Variants in KLHL32 observed in about 807,000 individuals in gnomAD.
The protein encoded by KLHL32 is kelch like family member 32.
Under a neutral mutation model 64.8 loss-of-function variants are expected in KLHL32, and 35 were observed. The observed-to-expected ratio is 0.54, with a 90% CI of 0.41 to 0.72. The LOEUF is 0.72. Among genes scored for constraint, KLHL32 ranks in the 30% least tolerant of loss-of-function variants. The pLI, the probability that KLHL32 is intolerant of heterozygous loss-of-function variation, is 0.00. For synonymous variants in KLHL32, 259 were observed against 281.0 expected, an observed-to-expected ratio of 0.92 and a Z score of 0.78; for missense variants, 589 against 768.5, an observed-to-expected ratio of 0.77 and a Z score of 2.76.
the KLHL32 span, chr6:96,914,939 C>T: frequency 6.6e-6 from 1 of 152,124 alleles, no homozygotes; most frequent in Non-Finnish European, 1.5e-5. Context: ...CTGAAGCCAT[C>T]CTCCCACCTC....
intron 3 of KLHL32, among the ~76,000 whole-genome samples, chr6:97,004,255 T>A (rs906411023): frequency 2.0e-5 from 3 of 152,204 alleles, no homozygotes; most frequent in Non-Finnish European, 4.4e-5. Context: ...TGTGACTGAG[T>A]TCTTGATTTG....
At chr6:96,965,167 G>T (rs908967116) in intron 1 of KLHL32, among the ~76,000 whole-genome samples, 1 of 152,178 alleles carries the variant, frequency 6.6e-6, no homozygotes, top group South Asian at 2.1e-4. Flanking sequence ...TGCTGCAAAG[G>T]ACAAGATTTT....
At chr6:97,088,497 A>G (rs536306239) in intron 6 of KLHL32, among the ~76,000 whole-genome samples, 4 of 152,204 alleles carry the variant, frequency 2.6e-5, no homozygotes, top group Non-Finnish European at 4.4e-5. Flanking sequence ...ATATATTTTC[A>G]GACTGATGAG....
chr6:96,963,311 C>A (rs2128028442), intron 1 of KLHL32, among the ~76,000 whole-genome samples: 1 of 152,256 alleles, frequency 6.6e-6, no homozygotes, highest in Middle Eastern at 3.4e-3. Context: ...GTACTGTAAA[C>A]AAGAATTGTT....
chr6:97,118,501 C>T (rs377515152), intron 7 of KLHL32, among the ~76,000 whole-genome samples: 8 of 151,048 alleles, frequency 5.3e-5, no homozygotes, highest in African/African-American at 9.8e-5. Context: ...CGCCTGTAAT[C>T]GCAGCTACTT....
the KLHL32 span, among the ~76,000 whole-genome samples, chr6:96,913,989 A>G: frequency 6.6e-6 from 1 of 152,208 alleles, no homozygotes; most frequent in Non-Finnish European, 1.5e-5. Flanking sequence ...AGGGGACTCA[A>G]CGTAATGAGA....
intron 1 of KLHL32, among the ~76,000 whole-genome samples, chr6:96,934,354 A>G (rs1471493711): frequency 6.6e-6 from 1 of 152,222 alleles, no homozygotes; most frequent in African/African-American, 2.4e-5. Context: ...TCTAGAGTGC[A>G]GTGAGCTGCT....
chr6:97,103,465 G>A (rs1253038917), intron 6 of KLHL32, among the ~76,000 whole-genome samples: 1 of 152,026 alleles, frequency 6.6e-6, no homozygotes, highest in Non-Finnish European at 1.5e-5. Context: ...TGCCCGCCTT[G>A]GCCTCCCAAA....
chr6:96,920,897 G>T (rs1183309419), upstream of KLHL32, among the ~76,000 whole-genome samples: 5 of 152,054 alleles, frequency 3.3e-5, no homozygotes, highest in African/African-American at 1.2e-4. Flanking sequence ...ACCCTAGGAT[G>T]AATTCTTAGA....
chr6:96,944,982 C>T (rs1432329174), intron 1 of KLHL32, among the ~76,000 whole-genome samples: 3 of 152,156 alleles, frequency 2.0e-5, no homozygotes, highest in Admixed American at 6.5e-5. Context: ...TATAACATGA[C>T]GTTGACAACT....
intron 7 of KLHL32, among the ~76,000 whole-genome samples, chr6:97,125,325 T>C (rs1017895841): frequency 2.0e-5 from 3 of 152,172 alleles, no homozygotes; most frequent in African/African-American, 7.2e-5. Context: ...TAGACACTAA[T>C]CCTCTGGATT....
chr6:97,115,310 C>G (rs923456632), intron 7 of KLHL32, among the ~76,000 whole-genome samples: 4 of 152,210 alleles, frequency 2.6e-5, no homozygotes, highest in African/African-American at 9.6e-5. Context: ...GCCACTGTGC[C>G]CAGCCTAAAA....
At position 97,135,965 on chromosome 6, in the gene KLHL32, T is replaced by C. The variant is rs372026976; in HGVS notation, c.1702-3156T>C. 1.4e-4 allele frequency among the ~76,000 whole-genome samples: 22 copies of C among 152,282 alleles called. No homozygotes were observed. The South Asian group carries it at 3.1e-3, about 22-fold the overall frequency. On this transcript the variant is annotated intron_variant, in intron 10 of 10. Coordinates refer to ENST00000369261, the MANE Select transcript of KLHL32 (RefSeq NM_052904.4). ...ATATTTATGAGAAAATGCTTAACAG[T>C]GGAAATTCCTAAGTATGTCAGTGGG...
chr6:97,059,261 A>G (rs778983505), intron 4 of KLHL32, among the ~76,000 whole-genome samples: 23 of 152,234 alleles, frequency 1.5e-4, no homozygotes, highest in Non-Finnish European at 3.1e-4. Flanking sequence ...TTGAAGATGG[A>G]GAACAAGGTA....
chr6:96,987,785 C>G (rs188846218), intron 3 of KLHL32, among the ~76,000 whole-genome samples: 126 of 152,216 alleles, frequency 8.3e-4, no homozygotes, highest in African/African-American at 2.9e-3. Flanking sequence ...ACAGAGCCCT[C>G]AGAAATAATG....
chr6:96,997,945 T>C (rs1382181528), intron 3 of KLHL32, among the ~76,000 whole-genome samples: 1 of 152,214 alleles, frequency 6.6e-6, no homozygotes, highest in Non-Finnish European at 1.5e-5. Context: ...TTGGTTGCTT[T>C]GTAGACTCTT....
At chr6:96,978,624 T>A (rs931218807) in intron 3 of KLHL32, among the ~76,000 whole-genome samples, 2 of 152,224 alleles carry the variant, frequency 1.3e-5, no homozygotes, top group Non-Finnish European at 2.9e-5. Flanking sequence ...GGTGTCTTTA[T>A]GGTAGAATGA....
At chr6:96,911,824 CTTTTTTT>C in the KLHL32 span, among the ~76,000 whole-genome samples, 127 of 54,068 alleles carry the variant, frequency 2.3e-3, 2 homozygotes, top group South Asian at 0.043. Flanking sequence ...CTCGGTCCTT[CTTTTTTT>C]TTTTTTTTTT....
intron 3 of KLHL32, among the ~76,000 whole-genome samples, chr6:96,991,518 C>T (rs1471115364): frequency 1.3e-5 from 2 of 152,136 alleles, no homozygotes; most frequent in Non-Finnish European, 2.9e-5. Flanking sequence ...CCCAAAGAAA[C>T]ACAGAGCTGC....
Sources: gnomAD v4.1 joint callset for allele counts (sites outside exome capture counted in the v4.1 genomes callset) on GRCh38, gnomAD v4.1.1 for gene constraint, MANE v1.5 for transcripts, NCBI Gene and HGNC (gene_info 2026-07-23, HGNC 2026-07-21) for gene names.